SRPK2: variants seen among roughly 807,000 people sequenced by gnomAD.
The protein encoded by SRPK2 is SRSF protein kinase 2, also known as SFRS protein kinase 2.
SRPK2 carries 21 observed loss-of-function variants against 90.8 expected under a neutral mutation model. The observed-to-expected ratio is 0.23, with a 90% CI of 0.16 to 0.33. The LOEUF (loss-of-function observed/expected upper bound fraction) is 0.33. SRPK2 is among the 10% of genes least tolerant of loss of function. SRPK2 has a pLI of 1.00. For synonymous variants in SRPK2, 288 were observed against 311.1 expected, an observed-to-expected ratio of 0.93 and a Z score of 0.78; for missense variants, 620 against 869.0, an observed-to-expected ratio of 0.71 and a Z score of 3.60.
chr7:105,219,076 C>A (rs563658696), intron 2 of SRPK2, among the ~76,000 whole-genome samples: 2 of 152,048 alleles, frequency 1.3e-5, no homozygotes, highest in African/African-American at 4.8e-5. Context: ...AGCACTACAA[C>A]CAGGGGCGGG....
chr7:105,134,059 A>G (rs1245055096), intron 11 of SRPK2, among the ~76,000 whole-genome samples: 3 of 152,210 alleles, frequency 2.0e-5, no homozygotes, highest in African/African-American at 7.2e-5. Context: ...ATTTCTGGTA[A>G]AGATGAAATA....
intron 11 of SRPK2, 109 bp downstream of exon 11, chr7:105,141,899 T>TAC: frequency 4.0e-6 from 5 of 1,245,544 alleles, no homozygotes; most frequent in Non-Finnish European, 4.5e-6. Context: ...AACTGATCAG[T>TAC]ACACACACAC....
At chr7:105,370,725 C>A (rs372974298) in intron 2 of SRPK2, among the ~76,000 whole-genome samples, 2 of 149,962 alleles carry the variant, frequency 1.3e-5, no homozygotes, top group South Asian at 4.2e-4. Flanking sequence ...AAATGATTCT[C>A]ATGCCTTACC....
intron 2 of SRPK2, among the ~76,000 whole-genome samples, chr7:105,261,378 A>G (rs1342581437): frequency 2.0e-5 from 3 of 151,978 alleles, no homozygotes; most frequent in Non-Finnish European, 2.9e-5. Context: ...AAAATTAGCC[A>G]GGCATTGTGG....
chr7:105,337,026 T>C (rs1167675594), intron 2 of SRPK2, among the ~76,000 whole-genome samples: 1 of 152,092 alleles, frequency 6.6e-6, no homozygotes, highest in East Asian at 1.9e-4. Flanking sequence ...AGTCTCGAAC[T>C]CCTGACCTCA....
rs766300218 is a variant in SRPK2, at chr7:105,143,141, T to C, written c.1003A>G (p.Lys335Glu). The C allele has an allele frequency of 9.3e-6, 15 of 1,614,058 alleles. No individual in the cohort carries two copies. The South Asian group carries it at 1.4e-4, about 15-fold the overall frequency. ...DQDGEYCPEV[K>E]LKTTGLEEAA... Reference sequence around the variant, plus strand: ...TCCTCTAATCCTGTTGTTTTTAGTTTCACCTCTGGGCAGTATTCGCCATCC... The same window carrying C: ...TCCTCTAATCCTGTTGTTTTTAGTTCCACCTCTGGGCAGTATTCGCCATCC... The change falls in exon 10 of 16, where the codon AAA becomes GAA. Residue 335 changes from lysine to glutamate, a missense_variant. Coordinates refer to ENST00000393651, the MANE Select transcript of SRPK2 (RefSeq NM_182692.3).
chr7:105,265,349 A>C (rs1804903071), intron 2 of SRPK2, among the ~76,000 whole-genome samples: 1 of 152,186 alleles, frequency 6.6e-6, no homozygotes, highest in African/African-American at 2.4e-5. Context: ...AGTAATCTAG[A>C]GATGTTTTAA....
intron 11 of SRPK2, among the ~76,000 whole-genome samples, chr7:105,133,584 T>G (rs2129575127): frequency 6.6e-6 from 1 of 152,302 alleles, no homozygotes; most frequent in Non-Finnish European, 1.5e-5. Flanking sequence ...TCAGGGTCCC[T>G]GGCACCGACA....
chr7:105,178,290 T>G (rs1271177758), intron 3 of SRPK2, among the ~76,000 whole-genome samples: 1 of 151,964 alleles, frequency 6.6e-6, no homozygotes, highest in Non-Finnish European at 1.5e-5. Flanking sequence ...CAACCAAAAA[T>G]ATAAACAATA....
In SRPK2 at chr7:105,116,676, G is replaced by A. The variant is rs902072473; in HGVS notation, c.*1162C>T. 5.2e-5 allele frequency: 8 copies of A among 152,568 alleles called. No individual in the cohort carries two copies. The highest frequency in any genetic ancestry group is 5.9e-5 in the Non-Finnish European group (4 of 68,010). 9.5% of individuals were successfully genotyped at this position (152,568 alleles called of 1,614,324 possible). ...AGTCTACAATTAATTTTAAGGAAATGCATAAACAAAACTGTGTGCAACCTG... is the reference window on the plus strand; with the variant it reads ...AGTCTACAATTAATTTTAAGGAAATACATAAACAAAACTGTGTGCAACCTG... On this transcript the variant is annotated 3_prime_UTR_variant, in exon 16 of 16. Coordinates refer to ENST00000393651, the MANE Select transcript of SRPK2 (RefSeq NM_182692.3).
At chr7:105,227,590 G>A (rs117586241) in intron 2 of SRPK2, among the ~76,000 whole-genome samples, 7 of 152,268 alleles carry the variant, frequency 4.6e-5, no homozygotes, top group African/African-American at 1.4e-4. Flanking sequence ...GTGTTGGTGA[G>A]GATCCTGGGA....
At chr7:105,357,529 A>G (rs1585866960) in intron 2 of SRPK2, among the ~76,000 whole-genome samples, 1 of 152,056 alleles carries the variant, frequency 6.6e-6, no homozygotes, top group East Asian at 1.9e-4. Context: ...GGATCACCTG[A>G]GGTCAGGAGT....
At chr7:105,145,635 A>C (rs549657770) in intron 8 of SRPK2, among the ~76,000 whole-genome samples, 3 of 152,250 alleles carry the variant, frequency 2.0e-5, no homozygotes, top group Non-Finnish European at 4.4e-5. Flanking sequence ...TACATATCAC[A>C]GTCATTAAAC....
intron 2 of SRPK2, among the ~76,000 whole-genome samples, chr7:105,313,002 C>T (rs1453410389): frequency 6.6e-6 from 1 of 152,108 alleles, no homozygotes; most frequent in African/African-American, 2.4e-5. Context: ...TAAAATTACA[C>T]TATCACCATT....
intron 2 of SRPK2, among the ~76,000 whole-genome samples, chr7:105,222,345 A>G (rs1332473321): frequency 6.6e-6 from 1 of 152,264 alleles, no homozygotes; most frequent in Non-Finnish European, 1.5e-5. Context: ...CAACAAAAGA[A>G]TTGTTCCTCA....
chr7:105,130,627 G>C (rs1322634310), intron 13 of SRPK2, among the ~76,000 whole-genome samples: 1 of 150,248 alleles, frequency 6.7e-6, no homozygotes, highest in Non-Finnish European at 1.5e-5. Context: ...ATGACAGCTT[G>C]GTATTATGAG....
chr7:105,182,113 C>T (rs1175953571), intron 3 of SRPK2, among the ~76,000 whole-genome samples: 1 of 151,322 alleles, frequency 6.6e-6, no homozygotes, highest in Non-Finnish European at 1.5e-5. Flanking sequence ...CACCTGTAAT[C>T]CCAGCTATTC....
chr7:105,159,470 A>AAAAAAAAAAAAAAAAAAAAC (rs1563005939), intron 7 of SRPK2, among the ~76,000 whole-genome samples: 2 of 149,002 alleles, frequency 1.3e-5, no homozygotes, highest in Non-Finnish European at 3.0e-5. Flanking sequence ...AAAAAAAAAA[A>AAAAAAAAAAAAAAAAAAAAC]AAACCGTACA....
chr7:105,280,210 T>C (rs1211424866), intron 2 of SRPK2, among the ~76,000 whole-genome samples: 1 of 152,028 alleles, frequency 6.6e-6, no homozygotes, highest in African/African-American at 2.4e-5. Context: ...AGGTCAGAAG[T>C]TCGAAACCAG....
Sources: allele counts gnomAD v4.1 joint callset (sites outside exome capture counted in the v4.1 genomes callset), GRCh38; gene constraint gnomAD v4.1.1; transcripts MANE v1.5; gene names NCBI Gene and HGNC (gene_info 2026-07-23, HGNC 2026-07-21).